ZNF346: variants seen among roughly 807,000 people sequenced by gnomAD.
The protein encoded by ZNF346 is zinc finger protein 346, also known as double-stranded RNA-binding zinc finger protein JAZ.
In ZNF346, 23 loss-of-function variants were observed where a neutral mutation model predicts 33.7. That is an observed-to-expected ratio of 0.68 (90% CI 0.49 to 0.97). The LOEUF is 0.97. Ranked by LOEUF, ZNF346 falls within the 50% of genes least tolerant of loss-of-function variation. ZNF346 has a pLI of 0.00. For missense variants in ZNF346, 340 were observed against 371.1 expected (o/e 0.92, Z 0.69); for synonymous variants, 134 against 142.4 (o/e 0.94, Z 0.42).
At chr5:177,040,211 T>C (rs2456180) in intron 1 of ZNF346, among the ~76,000 whole-genome samples, 135,668 of 151,302 alleles carry the variant, frequency 0.9, 60,949 homozygotes, top group East Asian at 0.99. Flanking sequence ...AAAATGAACT[T>C]ATGCCTTGGG....
At chr5:177,063,440 C>G (rs992029831) in intron 6 of ZNF346, among the ~76,000 whole-genome samples, 2 of 152,148 alleles carry the variant, frequency 1.3e-5, no homozygotes, top group African/African-American at 4.8e-5. Context: ...ATCCTCTTTA[C>G]CTGTGAATAT....
intron 3 of ZNF346, chr5:177,042,322 G>T (rs1217657303): frequency 6.5e-6 from 1 of 153,332 alleles, no homozygotes; most frequent in Non-Finnish European, 1.5e-5. Context: ...TGATTGAGAG[G>T]TGATCACATG....
intron 1 of ZNF346, among the ~76,000 whole-genome samples, chr5:177,025,153 C>G (rs957383244): frequency 2.0e-5 from 3 of 152,174 alleles, no homozygotes; most frequent in Non-Finnish European, 4.4e-5. Context: ...AACCAGTGAC[C>G]TGTTTTCTGT....
At position 177,064,533 on chromosome 5, in the gene ZNF346, A is replaced by G. The variant is rs1158751067; in HGVS notation, c.819A>G (p.Ser273=). The part of the protein sequence containing the change: ...HKNQSPKTVA[S]SLGQIPMQRQ... ...ACAGGTCACCAAAAACAGTGGCATCATCCCTGGGCCAGATTCCAATGCAAA... is the reference window on the plus strand; with the variant it reads ...ACAGGTCACCAAAAACAGTGGCATCGTCCCTGGGCCAGATTCCAATGCAAA... The change falls in exon 7 of 7, where the codon TCA becomes TCG. Residue 273 remains serine (S), a synonymous_variant. Coordinates refer to ENST00000358149, the MANE Select transcript of ZNF346 (RefSeq NM_012279.4). 3.1e-6 allele frequency: 5 copies of G among 1,614,104 alleles called. No individual in the cohort carries two copies.
At chr5:177,046,489 C>T (rs1780062684) in intron 4 of ZNF346, among the ~76,000 whole-genome samples, 2 of 152,080 alleles carry the variant, frequency 1.3e-5, no homozygotes, top group South Asian at 4.1e-4. Flanking sequence ...CCCTTTATAT[C>T]CCGCTTTTAC....
At chr5:177,078,858 G>T (rs58343966) in intron 8 of ZNF346, among the ~76,000 whole-genome samples, 19,563 of 152,012 alleles carry the variant, frequency 0.13, 2,961 homozygotes, top group African/African-American at 0.37. Context: ...GCAGTGAGCC[G>T]AGATCATGCC....
At chr5:177,037,619 A>G (rs920528263) in intron 1 of ZNF346, among the ~76,000 whole-genome samples, 8 of 152,188 alleles carry the variant, frequency 5.3e-5, no homozygotes, top group Non-Finnish European at 7.3e-5. Flanking sequence ...TTGCCGGAAC[A>G]TAATTCCAAA....
chr5:177,069,723 GTC>G (rs2149716677), downstream of ZNF346, among the ~76,000 whole-genome samples: 1 of 139,982 alleles, frequency 7.1e-6, no homozygotes, highest in Non-Finnish European at 1.5e-5. Context: ...TAGAGATGGA[GTC>G]TCTGTTGCCC....
Position 177,078,149 on chromosome 5 carries a change from AAAAAG to A in ZNF346, c.*3-1217_*3-1213del, listed in dbSNP as rs555004609. ...GCAACAGAGCAAGACTCCATCTCAA[AAAAAG>A]AAAAGAAAAGAAAAGGGAATGCCTG... On this transcript the variant is annotated intron_variant, in intron 8 of 8. Coordinates refer to the ZNF346 transcript ENST00000503039. 7.4e-4 allele frequency among the ~76,000 whole-genome samples: 112 copies of A among 152,278 alleles called. No homozygotes were observed. In the South Asian group the frequency reaches 7.5e-3, roughly 10 times the overall value.
chr5:177,061,894 CTG>C (rs1782593732), intron 5 of ZNF346, among the ~76,000 whole-genome samples, 162 bp from the exon 6 acceptor site: 1 of 152,222 alleles, frequency 6.6e-6, no homozygotes, highest in African/African-American at 2.4e-5. Context: ...GGCACACAGT[CTG>C]TGCCTCCTTA....
At chr5:177,038,452 C>G (rs2149618678) in intron 1 of ZNF346, among the ~76,000 whole-genome samples, 1 of 150,998 alleles carries the variant, frequency 6.6e-6, no homozygotes, top group East Asian at 2.0e-4. Flanking sequence ...CCGTCATTCT[C>G]TACCCCGTAC....
At chr5:177,078,710 G>A (rs1463069623) in intron 8 of ZNF346, among the ~76,000 whole-genome samples, 24 of 152,130 alleles carry the variant, frequency 1.6e-4, no homozygotes, top group African/African-American at 5.1e-4. Context: ...CCAGGAGTTC[G>A]AGACCAGCCT....
chr5:177,037,491 T>C (rs1778667830), intron 1 of ZNF346, among the ~76,000 whole-genome samples: 1 of 152,214 alleles, frequency 6.6e-6, no homozygotes. Flanking sequence ...AAGGCTATCT[T>C]CCCCTAGTTC....
chr5:177,063,405 C>T (rs1321580556), intron 6 of ZNF346, among the ~76,000 whole-genome samples: 1 of 152,228 alleles, frequency 6.6e-6, no homozygotes, highest in Non-Finnish European at 1.5e-5. Flanking sequence ...TGCCTGGAGT[C>T]TCCTCTCTCA....
At chr5:177,055,093 G>A (rs1292971092) in intron 5 of ZNF346, among the ~76,000 whole-genome samples, 1 of 150,016 alleles carries the variant, frequency 6.7e-6, no homozygotes, top group East Asian at 1.9e-4. Context: ...GAGTGCAATG[G>A]TGCAATCTCG....
At chr5:177,023,418 T>G (rs1445936380) in intron 1 of ZNF346, among the ~76,000 whole-genome samples, 2 of 152,164 alleles carry the variant, frequency 1.3e-5, no homozygotes, top group Admixed American at 1.3e-4. Flanking sequence ...TTACCCGTTT[T>G]TAGCTCTCTG....
chr5:177,022,889 G>C lies in ZNF346; in HGVS notation c.151G>C (p.Ala51Pro). Residue 51 changes from alanine (A) to proline (P), a missense_variant, in exon 1 of 7, where the codon GCC becomes CCC. By Grantham distance (27) the Ala-to-Pro change is conservative. Transcript: ENST00000358149. ...ARRLWEAVSG[A>P]QPVGREEVEH... ...CCGCCTGTGGGAAGCCGTGTCCGGTGCCCAGCCGGTGGGTAGAGAGGAAGG... is the reference window on the plus strand; with the variant it reads ...CCGCCTGTGGGAAGCCGTGTCCGGTCCCCAGCCGGTGGGTAGAGAGGAAGG... 6.6e-7 allele frequency: 1 copy of C among 1,504,058 alleles called. No individual in the cohort carries two copies. The highest frequency in any genetic ancestry group is 8.9e-7 in the Non-Finnish European group (1 of 1,125,188). The allele number at this position is 1,504,058 out of a possible 1,614,324, so 93.2% of individuals were successfully genotyped here. A position where few individuals can be genotyped will look rare whatever the true frequency, so the allele number is the denominator to read the frequency against.
intron 8 of ZNF346, among the ~76,000 whole-genome samples, chr5:177,074,295 C>T (rs924002579): frequency 3.9e-5 from 6 of 152,270 alleles, no homozygotes; most frequent in African/African-American, 1.2e-4. Flanking sequence ...TTATGTAGTC[C>T]GGGTGGGGAA....
chr5:177,047,857 T>C (rs1409405902), intron 4 of ZNF346, among the ~76,000 whole-genome samples: 1 of 152,148 alleles, frequency 6.6e-6, no homozygotes, highest in Non-Finnish European at 1.5e-5. Flanking sequence ...CAGGCAGATC[T>C]CTAACTCCTG....
Sources: gnomAD v4.1 joint callset for allele counts (sites outside exome capture counted in the v4.1 genomes callset) on GRCh38, gnomAD v4.1.1 for gene constraint, MANE v1.5 for transcripts, NCBI Gene and HGNC (gene_info 2026-07-23, HGNC 2026-07-21) for gene names.